CCPG1: variants seen among roughly 807,000 people sequenced by gnomAD.
CCPG1 encodes the protein cell cycle progression 1.
Under a neutral mutation model 81.3 loss-of-function variants are expected in CCPG1, and 46 were observed. The observed-to-expected ratio is 0.57, with a 90% CI of 0.45 to 0.72. The LOEUF (loss-of-function observed/expected upper bound fraction) is 0.72, where lower values mean the gene tolerates loss of function less well. Among genes scored for constraint, CCPG1 ranks in the 30% least tolerant of loss-of-function variants. The pLI is 0.00. For synonymous variants in CCPG1, 330 were observed against 305.2 expected (o/e 1.08, Z -0.85); for missense variants, 902 against 937.6 (o/e 0.96, Z 0.50).
intron 3 of CCPG1, among the ~76,000 whole-genome samples, chr15:55,381,031 G>A (rs887403219): frequency 6.6e-6 from 1 of 151,924 alleles, no homozygotes; most frequent in African/African-American, 2.4e-5. Context: ...CAGCTACTTG[G>A]GAGGCTGAGG....
intron 3 of CCPG1, among the ~76,000 whole-genome samples, chr15:55,379,589 T>C (rs1051584843): frequency 1.3e-5 from 2 of 152,074 alleles, no homozygotes; most frequent in Non-Finnish European, 1.5e-5. Context: ...CCCAGGACTT[T>C]GGTAGGCCAA....
intron 8 of CCPG1, chr15:55,357,080 G>A: frequency 2.0e-6 from 2 of 985,290 alleles, no homozygotes; most frequent in South Asian, 9.4e-5. Flanking sequence ...CCAGGAGTCT[G>A]ATAAATATAC....
chr15:55,388,105 T>G (rs906301934), intron 2 of CCPG1, among the ~76,000 whole-genome samples: 1 of 151,782 alleles, frequency 6.6e-6, no homozygotes, highest in Non-Finnish European at 1.5e-5. Flanking sequence ...GAGCCGAGAT[T>G]GCGTCACTGT....
At chr15:55,370,831 G>A (rs1171515610) in intron 6 of CCPG1, among the ~76,000 whole-genome samples, 4 of 146,874 alleles carry the variant, frequency 2.7e-5, no homozygotes, top group Admixed American at 1.4e-4. Context: ...AGCCAAGGTC[G>A]CACCACTGGA....
intron 3 of CCPG1, among the ~76,000 whole-genome samples, chr15:55,383,024 C>A (rs2056732341): frequency 6.6e-6 from 1 of 152,192 alleles, no homozygotes; most frequent in African/African-American, 2.4e-5. Context: ...TCAATTCACA[C>A]ACATTGCCCA....
Position 55,383,056 on chromosome 15 carries a change from T to A in CCPG1, c.175+2544A>T, listed in dbSNP as rs577578402. On this transcript the variant is annotated intron_variant, in intron 3 of 8. Coordinates refer to ENST00000442196, the MANE Select transcript of CCPG1 (RefSeq NM_001204450.2). ...CCCAGATCCATCAGAACAATCACTA[T>A]CTATAGCAGCTACAGCCTTACAAAA... Among the ~76,000 whole-genome samples, 10 of 152,312 alleles carry A rather than the reference T, an allele frequency of 6.6e-5. No homozygotes were observed. In the South Asian group the frequency reaches 1.7e-3, roughly 25 times the overall value.
rs115130133 is a variant in CCPG1 at position 55,384,259 on chromosome 15, T to C, written c.175+1341A>G. Among the ~76,000 whole-genome samples, 1,518 of 152,306 alleles carry C rather than the reference T, an allele frequency of 1.0e-2. 22 individuals carry two copies. The highest frequency in any genetic ancestry group is 0.035 in the African/African-American group (1,439 of 41,564). On this transcript the variant is annotated intron_variant, in intron 3 of 8. Coordinates refer to ENST00000442196, the MANE Select transcript of CCPG1 (RefSeq NM_001204450.2). ...ACACATTTATTAAGTTCACTGTCTT[T>C]CATAGGCACGGTTCATGGTGTCCCA...
intron 1 of CCPG1, among the ~76,000 whole-genome samples, chr15:55,406,436 CTT>C (rs143238270): frequency 1.3e-4 from 16 of 126,284 alleles, no homozygotes; most frequent in African/African-American, 3.9e-4. Context: ...TTCTTTTTCT[CTT>C]TTTTTTTTTT....
Position 55,359,814 on chromosome 15 carries a change from C to T in CCPG1, c.1959G>A (p.Met653Ile), listed in dbSNP as rs778611395. ...TTTGAATTATCTGTCTAAATTCATC[C>T]ATCCTTATAGGATTCACCACTGTGT... ...LFNTVVNPIR[M>I]DEFRQIIQRY... Residue 653 changes from methionine (M) to isoleucine (I), a missense_variant, in exon 8 of 9, where the codon ATG becomes ATA. Physicochemically the swap from Met to Ile is conservative, Grantham distance 10. Transcript: ENST00000442196. 17 of 1,613,094 alleles carry T rather than the reference C, an allele frequency of 1.1e-5. 1 individual carries two copies. In the South Asian group the frequency reaches 1.8e-4, roughly 17 times the overall value.
chr15:55,359,547 A>G lies in CCPG1; in HGVS notation c.2226T>C (p.Tyr742=), dbSNP rs2056148340. The G allele has an allele frequency of 3.1e-6, 5 of 1,606,826 alleles. No homozygotes were observed. Among genetic ancestry groups the G allele is most frequent in the Non-Finnish European group, 4.2e-6 (5 of 1,177,378 alleles). ...HFFGHTFSPP[Y]GPSRPDKKQR... is the part of the protein sequence containing the mutation. ...GTTTTATGTAAACCGACCTGGGTCC[A>G]TATGGAGGGGAAAAAGTGTGACCAA... The change falls in exon 8 of 9, where the codon TAT becomes TAC. Residue 742 remains tyrosine (Y), a synonymous_variant. Transcript: ENST00000442196.
At chr15:55,378,467 A>T (rs2056611213) in intron 3 of CCPG1, 91 bp from the exon 4 acceptor site, 1 of 686,458 alleles carries the variant, frequency 1.5e-6, no homozygotes, top group Admixed American at 2.9e-5. Flanking sequence ...GGTAGATAAA[A>T]ATCTCTTCCT....
Position 55,389,300 on chromosome 15 carries a change from A to G in CCPG1, c.60+65T>C. Reference sequence around the variant, plus strand: ...AGAAAAAGACTGATCTTCAAAGAACACAGTTTACATCACTGGTAACATTAA... The same window carrying G: ...AGAAAAAGACTGATCTTCAAAGAACGCAGTTTACATCACTGGTAACATTAA... On this transcript the variant is annotated intron_variant, in intron 2 of 8. Coordinates refer to ENST00000442196, the MANE Select transcript of CCPG1 (RefSeq NM_001204450.2). The G allele has an allele frequency of 3.5e-6, 4 of 1,130,748 alleles. No individual in the cohort carries two copies. The Middle Eastern group carries it at 8.4e-4, about 237-fold the overall frequency. 70.0% of individuals were successfully genotyped at this position (1,130,748 alleles called of 1,614,324 possible).
chr15:55,386,828 C>T (rs985015786), intron 2 of CCPG1, among the ~76,000 whole-genome samples: 2 of 151,040 alleles, frequency 1.3e-5, no homozygotes, highest in Non-Finnish European at 1.5e-5. Context: ...ACCGATGGGG[C>T]GGAGCTTGCA....
intron 5 of CCPG1, among the ~76,000 whole-genome samples, chr15:55,376,371 T>C (rs551444897): frequency 7.2e-5 from 11 of 152,316 alleles, no homozygotes; most frequent in South Asian, 2.1e-4. Flanking sequence ...ACAACGGGCA[T>C]TGATTGCATT....
chr15:55,368,692 T>C (rs956601866), intron 6 of CCPG1, among the ~76,000 whole-genome samples: 2 of 152,240 alleles, frequency 1.3e-5, no homozygotes, highest in African/African-American at 4.8e-5. Context: ...TGGAGTACAC[T>C]GCCTCACTAT....
chr15:55,356,380 T>C lies in CCPG1; in HGVS notation c.2264A>G (p.Asn755Ser). ...TTTTCGATGCCTGGAGTTTTCAATA[T>C]TTACCATACGTTGCTTTTTATCAGG... The part of the protein sequence containing the change: ...SRPDKKQRMV[N>S]IENSRHRKQE... The change falls in exon 9 of 9, where the codon AAT becomes AGT. Residue 755 changes from asparagine (N) to serine (S), a missense_variant. Transcript: ENST00000442196. The C allele has an allele frequency of 1.3e-6, 2 of 1,534,034 alleles. No homozygotes were observed. The highest frequency in any genetic ancestry group is 1.7e-6 in the Non-Finnish European group (2 of 1,146,560).
intron 5 of CCPG1, 21 bp from the exon 6 acceptor site, chr15:55,372,065 A>G (rs2056460742): frequency 1.2e-6 from 2 of 1,600,726 alleles, no homozygotes; most frequent in Admixed American, 3.4e-5. Flanking sequence ...AAAAGTTGAC[A>G]TTTAGCTATT....
At chr15:55,392,875 C>T (rs879813938) in intron 1 of CCPG1, among the ~76,000 whole-genome samples, 1 of 152,046 alleles carries the variant, frequency 6.6e-6, no homozygotes, top group East Asian at 1.9e-4. Context: ...GAGGCCAAGG[C>T]GGGTAGATCA....
At chr15:55,379,716 T>C (rs2056641612) in intron 3 of CCPG1, among the ~76,000 whole-genome samples, 1 of 151,996 alleles carries the variant, frequency 6.6e-6, no homozygotes, top group Non-Finnish European at 1.5e-5. Flanking sequence ...AAAAACTAAA[T>C]GTCACTACAG....
Sources: gnomAD v4.1 joint callset for allele counts (sites outside exome capture counted in the v4.1 genomes callset) on GRCh38, gnomAD v4.1.1 for gene constraint, MANE v1.5 for transcripts, NCBI Gene and HGNC (gene_info 2026-07-23, HGNC 2026-07-21) for gene names.